PIK3AP1: variants seen among roughly 807,000 people sequenced by gnomAD.
PIK3AP1 encodes phosphoinositide-3-kinase adaptor protein 1, also known as phosphoinositide 3-kinase adapter protein 1.
In PIK3AP1, 21 loss-of-function variants were observed where a neutral mutation model predicts 88.1. The observed-to-expected ratio is 0.24, with a 90% CI of 0.17 to 0.34. The LOEUF is 0.34. Among genes scored for constraint, PIK3AP1 ranks in the 10% least tolerant of loss-of-function variants. PIK3AP1 has a pLI of 1.00. For synonymous variants in PIK3AP1, 398 were observed against 400.0 expected (o/e 1.00, Z 0.06); for missense variants, 828 against 1,035.7 (o/e 0.80, Z 2.75).
intron 2 of PIK3AP1, among the ~76,000 whole-genome samples, chr10:96,696,834 G>C (rs1287897102): frequency 1.3e-5 from 2 of 152,176 alleles, no homozygotes; most frequent in Non-Finnish European, 2.9e-5. Flanking sequence ...TATTGTGAAG[G>C]ATAATTTGTT....
intron 2 of PIK3AP1, among the ~76,000 whole-genome samples, chr10:96,683,691 T>C (rs1013082374): frequency 2.0e-5 from 3 of 152,232 alleles, no homozygotes; most frequent in African/African-American, 7.2e-5. Flanking sequence ...GTAGTGATAG[T>C]CCATTCATTT....
intron 2 of PIK3AP1, among the ~76,000 whole-genome samples, chr10:96,703,598 G>C (rs1008681038): frequency 1.3e-5 from 2 of 152,130 alleles, no homozygotes; most frequent in African/African-American, 4.8e-5. Context: ...TTGAAGCAAA[G>C]AATAGAGCCC....
At chr10:96,668,443 G>A (rs1282652727) in intron 2 of PIK3AP1, among the ~76,000 whole-genome samples, 1 of 152,156 alleles carries the variant, frequency 6.6e-6, no homozygotes, top group Non-Finnish European at 1.5e-5. Context: ...AAGTCAAGGT[G>A]GGAAGGCAGG....
chr10:96,605,727 C>T (rs1848991168), intron 14 of PIK3AP1, among the ~76,000 whole-genome samples: 1 of 152,120 alleles, frequency 6.6e-6, no homozygotes, highest in African/African-American at 2.4e-5. Context: ...TTTTTGGGGA[C>T]AGATTTTTAA....
intron 12 of PIK3AP1, chr10:96,619,241 C>T (rs1048093891): frequency 3.9e-5 from 6 of 152,218 alleles, no homozygotes; most frequent in African/African-American, 1.4e-4. Context: ...GACATGCTTC[C>T]CCACTCTTCA....
At chr10:96,628,889 C>CACACACACATATATATATAT (rs1554955372) in intron 8 of PIK3AP1, among the ~76,000 whole-genome samples, 8 of 60,840 alleles carry the variant, frequency 1.3e-4, no homozygotes, top group African/African-American at 4.2e-4. Flanking sequence ...TATATATATA[C>CACACACACATATATATATAT]ATATATATAT....
intron 2 of PIK3AP1, among the ~76,000 whole-genome samples, chr10:96,665,917 T>A (rs1327153720): frequency 2.0e-5 from 3 of 152,126 alleles, no homozygotes; most frequent in African/African-American, 7.2e-5. Flanking sequence ...TCCCCACAGA[T>A]TGGCGAGTAC....
At chr10:96,715,417 G>A (rs183974040) in intron 1 of PIK3AP1, among the ~76,000 whole-genome samples, 2 of 152,248 alleles carry the variant, frequency 1.3e-5, no homozygotes, top group East Asian at 3.9e-4. Context: ...TCTGAGGAAA[G>A]CCTGAACTTT....
At chr10:96,644,402 G>A (rs1005608957) in intron 8 of PIK3AP1, among the ~76,000 whole-genome samples, 1 of 152,096 alleles carries the variant, frequency 6.6e-6, no homozygotes, top group African/African-American at 2.4e-5. Flanking sequence ...TTTAATGTCA[G>A]CAGATATAAG....
rs765566851 is a variant in PIK3AP1 at position 96,648,827 on chromosome 10, C to T, written c.1017G>A (p.Leu339=). The T allele has an allele frequency of 1.3e-6, 2 of 1,588,158 alleles. No homozygotes were observed. The highest frequency in any genetic ancestry group is 2.3e-5 in the South Asian group (2 of 86,810). The change falls in exon 7 of 17, where the codon CTG becomes CTA. Residue 339 remains leucine (L), a synonymous_variant. Transcript: ENST00000339364. The part of the protein sequence containing the change: ...TNQRDEELPT[L]LHFAAKYGLK... The stretch of plus-strand genomic sequence containing the variant: ...GTCCATACTTCGCAGCAAAATGCAA[C>T]AGGGTGGGCAGCTCTTCATCCCTCT...
At chr10:96,633,055 C>A in intron 8 of PIK3AP1, 1 of 1,599,396 alleles carries the variant, frequency 6.3e-7, no homozygotes, top group Non-Finnish European at 8.5e-7. Context: ...GGTGAAAAAC[C>A]TCATGTCCTA....
rs1278671238 is a variant in PIK3AP1, at chr10:96,623,507, C to T, written c.1700G>A (p.Gly567Glu). The T allele has an allele frequency of 3.1e-6, 5 of 1,612,010 alleles. No homozygotes were observed. The highest frequency in any genetic ancestry group is 8.5e-7 in the Non-Finnish European group (1 of 1,178,574). Residue 567 changes from glycine to glutamate, a missense_variant, in exon 11 of 17, where the codon GGG becomes GAG. Transcript: ENST00000339364. The part of the protein sequence containing the change: ...VFAEKSQERP[G>E]NFYVSSESIR... ...GCTCTCTGAGGAAACGTAGAAATTC[C>T]CAGGCCGCTCTTGACTTTTTTCTGC...
chr10:96,614,372 G>A (rs1373022405), intron 13 of PIK3AP1, among the ~76,000 whole-genome samples: 1 of 151,816 alleles, frequency 6.6e-6, no homozygotes, highest in Admixed American at 6.6e-5. Context: ...CTGACCCTAG[G>A]ATGACTGTGC....
chr10:96,661,887 G>T (rs1420572892), intron 2 of PIK3AP1, among the ~76,000 whole-genome samples: 1 of 150,580 alleles, frequency 6.6e-6, no homozygotes, highest in African/African-American at 2.4e-5. Flanking sequence ...GAAAGTGAGG[G>T]GTACTATTTA....
rs1334384952 is a variant in PIK3AP1, at chr10:96,702,485, A to G, written c.430+7082T>C. On this transcript the variant is annotated intron_variant, in intron 2 of 16. Coordinates refer to ENST00000339364, the MANE Select transcript of PIK3AP1 (RefSeq NM_152309.3). ...CTGCACTCCAGCCTGATGACAGAGC[A>G]AGACTTCGTCTCAAAAAAAAAAAAA... 2.6e-5 allele frequency among the ~76,000 whole-genome samples: 4 copies of G among 151,112 alleles called. No homozygotes were observed. The East Asian group carries it at 5.8e-4, about 22-fold the overall frequency.
At chr10:96,619,400 G>A (rs1024137976) in intron 12 of PIK3AP1, 2 of 152,244 alleles carry the variant, frequency 1.3e-5, no homozygotes, top group African/African-American at 4.8e-5. Context: ...CACCCTGAAC[G>A]CGCCCAATCC....
intron 2 of PIK3AP1, 136 bp downstream of exon 2, chr10:96,709,431 G>T: frequency 4.7e-6 from 5 of 1,071,618 alleles, no homozygotes; most frequent in South Asian, 1.6e-5. Context: ...CCAGAAATAG[G>T]CTGCTCTAAA....
rs576322783 is a variant in PIK3AP1, at chr10:96,671,109, A to G, written c.431-14175T>C. On this transcript the variant is annotated intron_variant, in intron 2 of 16. Coordinates refer to ENST00000339364, the MANE Select transcript of PIK3AP1 (RefSeq NM_152309.3). ...TCTTGTTTACACTGGCTATTTCCTC[A>G]GAAATTCAGCATCACAGCTATTGTC... Among the ~76,000 whole-genome samples, 3 of 152,366 alleles carry G rather than the reference A, an allele frequency of 2.0e-5. No homozygotes were observed. The East Asian group carries it at 5.8e-4, about 29-fold the overall frequency.
chr10:96,705,765 T>C (rs180905638), intron 2 of PIK3AP1, among the ~76,000 whole-genome samples: 90 of 151,702 alleles, frequency 5.9e-4, no homozygotes, highest in African/African-American at 2.1e-3. Flanking sequence ...GTATTTTTTG[T>C]AGAGACAGGG....
Sources: gnomAD v4.1 joint callset for allele counts (sites outside exome capture counted in the v4.1 genomes callset) on GRCh38, gnomAD v4.1.1 for gene constraint, MANE v1.5 for transcripts, NCBI Gene and HGNC (gene_info 2026-07-23, HGNC 2026-07-21) for gene names.